XPA: variants seen among roughly 807,000 people sequenced by gnomAD.
XPA encodes the protein XPA, DNA damage recognition and repair factor.
Under a neutral mutation model 35.7 loss-of-function variants are expected in XPA, and 27 were observed. The observed-to-expected ratio is 0.76, with a 90% CI of 0.56 to 1.04. XPA has a LOEUF of 1.04. Among genes scored for constraint, XPA ranks in the 50% least tolerant of loss-of-function variants. XPA has a pLI of 0.00. For synonymous variants in XPA, 133 were observed against 118.4 expected, an observed-to-expected ratio of 1.12 and a Z score of -0.80; for missense variants, 354 against 342.7, an observed-to-expected ratio of 1.03 and a Z score of -0.26.
chr9:97,676,899 T>C (rs1202778013), intron 5 of XPA, among the ~76,000 whole-genome samples: 4 of 152,232 alleles, frequency 2.6e-5, no homozygotes, highest in Non-Finnish European at 4.4e-5. Flanking sequence ...TCTCATATTC[T>C]GAAGACCTTG....
chr9:97,682,062 T>TTATC (rs5899322), intron 5 of XPA: 31 of 242,674 alleles, frequency 1.3e-4, no homozygotes, highest in Non-Finnish European at 2.2e-4. Flanking sequence ...CACCTTATTT[T>TTATC]TATCTATCTA....
chr9:97,679,285 G>A (rs560888757), intron 5 of XPA, among the ~76,000 whole-genome samples: 1 of 152,316 alleles, frequency 6.6e-6, no homozygotes, highest in South Asian at 2.1e-4. Flanking sequence ...GAAAGAGCAT[G>A]CAAATGATGA....
chr9:97,675,514 T>A lies in XPA; in HGVS notation c.747A>T (p.Glu249Asp), dbSNP rs1207866812. Reference sequence around the variant, plus strand: ...GGTACATGTCATCTTCTAGGTTTTCTTCTGGTCCATACTCATGTTGATGAA... The same window carrying A: ...GGTACATGTCATCTTCTAGGTTTTCATCTGGTCCATACTCATGTTGATGAA... ...TIVHQHEYGPEENLEDDMYRK... is the reference protein window; with the variant it reads ...TIVHQHEYGPDENLEDDMYRK... Residue 249 changes from glutamate (E) to aspartate (D), a missense_variant, in exon 6 of 6, where the codon GAA (glutamate) becomes GAT (aspartate). By Grantham distance (45) the Glu-to-Asp change is conservative. Transcript: ENST00000375128. The A allele has an allele frequency of 6.2e-7, 1 of 1,613,952 alleles. No homozygotes were observed. The highest frequency in any genetic ancestry group is 1.3e-5 in the African/African-American group (1 of 74,924).
intron 4 of XPA, among the ~76,000 whole-genome samples, chr9:97,685,346 G>GTGGGCTCA (rs1828684560): frequency 6.6e-6 from 1 of 152,116 alleles, no homozygotes; most frequent in Non-Finnish European, 1.5e-5. Flanking sequence ...ATCAACTGTG[G>GTGGGCTCA]TGGGCTCACC....
At position 97,678,053 on chromosome 9, in the gene XPA, ATAGAAATACAGATACATGTGTTGTGC is replaced by A. The variant is rs1828422165; in HGVS notation, c.674-2492_674-2467del. 2.0e-5 allele frequency among the ~76,000 whole-genome samples: 3 copies of A among 152,124 alleles called. No individual in the cohort carries two copies. In the South Asian group the frequency reaches 6.2e-4, roughly 31 times the overall value. ...TTTACATATATTTATAGACAGAGAC[ATAGAAATACAGATACATGTGTTGTGC>A]TAGAAAGCAGAAAGGAGTGCTCAAG... On this transcript the variant is annotated intron_variant, in intron 5 of 5. Coordinates refer to ENST00000375128, the MANE Select transcript of XPA (RefSeq NM_000380.4).
At chr9:97,658,578 G>A in the XPA span, 11 of 1,241,432 alleles carry the variant, frequency 8.9e-6, no homozygotes, top group African/African-American at 7.5e-5. Flanking sequence ...CAGGTAAGTC[G>A]GGTGTTACCG....
intron 4 of XPA, among the ~76,000 whole-genome samples, chr9:97,686,233 A>G (rs1828712365): frequency 6.6e-6 from 1 of 152,234 alleles, no homozygotes; most frequent in Non-Finnish European, 1.5e-5. Context: ...AACAGCACAA[A>G]AAGAATATTA....
At chr9:97,690,047 G>T (rs1341898532) in intron 2 of XPA, among the ~76,000 whole-genome samples, 1 of 152,162 alleles carries the variant, frequency 6.6e-6, no homozygotes, top group Non-Finnish European at 1.5e-5. Flanking sequence ...GAGGCTCTAG[G>T]CAAGAATCCA....
intron 2 of XPA, among the ~76,000 whole-genome samples, chr9:97,690,366 A>G (rs1045118587): frequency 6.6e-6 from 1 of 152,018 alleles, no homozygotes; most frequent in Non-Finnish European, 1.5e-5. Context: ...GCAAGCCACC[A>G]TGCCCGGATA....
At chr9:97,689,669 CT>C in intron 2 of XPA, 30 bp from the exon 3 acceptor site, 1 of 1,340,376 alleles carries the variant, frequency 7.5e-7, no homozygotes, top group Non-Finnish European at 1.1e-6. Flanking sequence ...CTCTAGTTTC[CT>C]TTTTTATGAC....
downstream of XPA, chr9:97,674,836 T>C: frequency 2.5e-6 from 1 of 398,074 alleles, no homozygotes; most frequent in Non-Finnish European, 4.9e-6. Flanking sequence ...TCCATTTTAA[T>C]CCAGCATTTA....
the XPA span, chr9:97,654,970 C>G: frequency 6.6e-7 from 1 of 1,520,782 alleles, no homozygotes; most frequent in Non-Finnish European, 8.9e-7. Context: ...TACTGCTGAG[C>G]TGAGTTAGCA....
rs760914764 is a variant in XPA at position 97,674,986 on chromosome 9, G to A, written c.*453C>T. On this transcript the variant is annotated 3_prime_UTR_variant, in exon 6 of 6. Transcript: ENST00000375128. The stretch of plus-strand genomic sequence containing the variant: ...GTAGTTCCCCACTGTTTCCACCATC[G>A]TGGAGACAGAAATCGTCCTAAAAAA... 1.7e-5 allele frequency: 9 copies of A among 524,188 alleles called. No homozygotes were observed. Among genetic ancestry groups the A allele is most frequent in the Non-Finnish European group, 2.6e-5 (7 of 270,164 alleles). The allele number at this position is 524,188 out of a possible 1,614,324, so 32.5% of individuals were successfully genotyped here.
chr9:97,669,456 G>C, the XPA span: 1 of 626,938 alleles, frequency 1.6e-6, no homozygotes, highest in East Asian at 2.7e-5. Flanking sequence ...TTGACTTCAT[G>C]AATAATGGAA....
chr9:97,673,763 A>C (rs1431781795), downstream of XPA: 2 of 152,198 alleles, frequency 1.3e-5, no homozygotes, highest in Non-Finnish European at 2.9e-5. Context: ...CTGTTTTCCT[A>C]ATTTATAACT....
chr9:97,655,829 A>T, the XPA span: 1 of 1,460,394 alleles, frequency 6.8e-7, no homozygotes, highest in East Asian at 2.3e-5. Context: ...AAACTGTAAC[A>T]TAAAAGTGTC....
intron 5 of XPA, among the ~76,000 whole-genome samples, chr9:97,681,035 T>C (rs1267736268): frequency 6.6e-6 from 1 of 152,234 alleles, no homozygotes; most frequent in Non-Finnish European, 1.5e-5. Flanking sequence ...GTTACTGATA[T>C]ATTCAGGGAC....
intron 5 of XPA, among the ~76,000 whole-genome samples, chr9:97,683,344 A>G (rs1828603417): frequency 6.6e-6 from 1 of 152,144 alleles, no homozygotes; most frequent in African/African-American, 2.4e-5. Flanking sequence ...TAAAGGGCCA[A>G]ATTCATCAGA....
At position 97,689,689 on chromosome 9, in the gene XPA, T is replaced by C. The variant is rs777257368; in HGVS notation, c.284-50A>G. The C allele has an allele frequency of 1.3e-5, 14 of 1,070,406 alleles. No individual in the cohort carries two copies. In the Admixed American group the frequency reaches 2.5e-4, roughly 19 times the overall value. The allele number at this position is 1,070,406 out of a possible 1,614,324, so 66.3% of individuals were successfully genotyped here. The stretch of plus-strand genomic sequence containing the variant: ...GTTTCCTTTTTTATGACTAGAACAA[T>C]ATATTTTCCTCTATTTTATTAGCTT... On this transcript the variant is annotated intron_variant, in intron 2 of 5. Coordinates refer to ENST00000375128, the MANE Select transcript of XPA (RefSeq NM_000380.4).
Sources: allele counts gnomAD v4.1 joint callset (sites outside exome capture counted in the v4.1 genomes callset), GRCh38; gene constraint gnomAD v4.1.1; transcripts MANE v1.5; gene names NCBI Gene and HGNC (gene_info 2026-07-23, HGNC 2026-07-21).